Variants in HMBOX1 observed in about 807,000 individuals in gnomAD.
The protein encoded by HMBOX1 is homeobox containing 1.
Under a neutral mutation model 54.5 loss-of-function variants are expected in HMBOX1, and 14 were observed. That is an observed-to-expected ratio of 0.26 (90% CI 0.17 to 0.40). The LOEUF (loss-of-function observed/expected upper bound fraction) is 0.40. Among genes scored for constraint, HMBOX1 ranks in the 10% least tolerant of loss-of-function variants. The probability of loss-of-function intolerance (pLI) is 1.00; values close to 1 mark genes in which losing one functional copy is unlikely to be tolerated. For missense variants in HMBOX1, 332 were observed against 514.4 expected (o/e 0.65, Z 3.43); for synonymous variants, 160 against 181.0 (o/e 0.88, Z 0.93).
chr8:28,939,631 T>TC (rs1217765523), intron 1 of HMBOX1, among the ~76,000 whole-genome samples: 1 of 151,862 alleles, frequency 6.6e-6, no homozygotes, highest in Admixed American at 6.6e-5. Context: ...TGCCTCAGCC[T>TC]CCCGATTAGC....
At chr8:28,922,370 G>C (rs1397177107) in intron 1 of HMBOX1, among the ~76,000 whole-genome samples, 1 of 152,124 alleles carries the variant, frequency 6.6e-6, no homozygotes, top group East Asian at 1.9e-4. Context: ...TGGGACGGAG[G>C]GTGGTCCTGA....
At position 29,009,179 on chromosome 8, in the gene HMBOX1, C is replaced by G; in HGVS notation, c.694C>G (p.Pro232Ala). 2.5e-6 allele frequency: 4 copies of G among 1,604,674 alleles called. No homozygotes were observed. Among genetic ancestry groups the G allele is most frequent in the Non-Finnish European group, 3.4e-6 (4 of 1,171,690 alleles). Residue 232 changes from proline to alanine, a missense_variant, in exon 5 of 10, where the codon CCT becomes GCT. Physicochemically the swap from Pro to Ala is conservative, Grantham distance 27 (BLOSUM62 -1). Around this residue, in one of 4 missense-constraint regions of HMBOX1, gnomAD observed 117 missense variants for 220.0 expected, o/e 0.53. Coordinates refer to ENST00000287701, the MANE Select transcript of HMBOX1 (RefSeq NM_001135726.3). ...ATGGTATCAACTTGAGAAGACAAAC[C>G]CTGGTAAATAGCATTTCCTTTTATT... ...YRWYQLEKTN[P>A]GATLSMRPAP...
intron 1 of HMBOX1, chr8:28,924,561 A>G (rs2131828709): frequency 1.3e-5 from 2 of 148,256 alleles, no homozygotes; most frequent in South Asian, 4.2e-4. Flanking sequence ...AGAGTTTTAT[A>G]ATTTGAATTC....
At chr8:28,995,500 C>T (rs1489305360) in intron 4 of HMBOX1, among the ~76,000 whole-genome samples, 1 of 152,178 alleles carries the variant, frequency 6.6e-6, no homozygotes, top group Admixed American at 6.5e-5. Context: ...GACAGATTCT[C>T]TTGGAAATGT....
intron 6 of HMBOX1, among the ~76,000 whole-genome samples, chr8:29,025,536 C>A (rs879427015): frequency 1.1e-4 from 16 of 152,148 alleles, no homozygotes; most frequent in Non-Finnish European, 1.9e-4. Flanking sequence ...CAGTAGAATG[C>A]CTTTCTCATA....
At chr8:28,915,669 T>A (rs1279821284) in intron 1 of HMBOX1, 1 of 151,966 alleles carries the variant, frequency 6.6e-6, no homozygotes, top group Non-Finnish European at 1.5e-5. Flanking sequence ...GTTTCTAACT[T>A]GGGCTGGATC....
At chr8:28,934,762 A>G (rs948226399) in intron 1 of HMBOX1, among the ~76,000 whole-genome samples, 1 of 152,022 alleles carries the variant, frequency 6.6e-6, no homozygotes, top group Non-Finnish European at 1.5e-5. Flanking sequence ...CATCTCTACT[A>G]AAAATACAAG....
chr8:28,899,664 G>A (rs1271216482), intron 1 of HMBOX1, among the ~76,000 whole-genome samples: 2 of 152,326 alleles, frequency 1.3e-5, no homozygotes, highest in South Asian at 4.1e-4. Flanking sequence ...TGATTTCAGG[G>A]AAAGGAACTG....
In HMBOX1 at chr8:28,971,211, GC is replaced by G. The variant is rs1408637149; in HGVS notation, c.500+694del. On this transcript the variant is annotated intron_variant, in intron 3 of 9. Coordinates refer to ENST00000287701, the MANE Select transcript of HMBOX1 (RefSeq NM_001135726.3). Reference sequence around the variant, plus strand: ...AGGTTCAAGCGATTCTCTTGTCTCAGCCTCCCGAGTAGCTGGGGTTACAGGC... The same window carrying G: ...AGGTTCAAGCGATTCTCTTGTCTCAGCTCCCGAGTAGCTGGGGTTACAGGC... Among the ~76,000 whole-genome samples, 6 of 149,926 alleles carry G rather than the reference GC, an allele frequency of 4.0e-5. No individual in the cohort carries two copies. The East Asian group carries it at 1.2e-3, about 29-fold the overall frequency.
At chr8:29,023,531 T>G (rs1448673434) in intron 6 of HMBOX1, among the ~76,000 whole-genome samples, 1 of 151,562 alleles carries the variant, frequency 6.6e-6, no homozygotes, top group Non-Finnish European at 1.5e-5. Context: ...GCCTCCTGAG[T>G]AGCTGGGACT....
chr8:28,941,220 A>G (rs898938905), intron 1 of HMBOX1, among the ~76,000 whole-genome samples: 5 of 152,192 alleles, frequency 3.3e-5, no homozygotes, highest in Admixed American at 1.3e-4. Flanking sequence ...GCTGTGGGGC[A>G]TAAAGAGATT....
intron 1 of HMBOX1, among the ~76,000 whole-genome samples, chr8:28,957,562 A>G (rs1824697285): frequency 2.2e-5 from 1 of 46,286 alleles, no homozygotes. Flanking sequence ...AGTCTAAAAT[A>G]AAAGTTGAAA....
intron 2 of HMBOX1, among the ~76,000 whole-genome samples, chr8:28,968,274 A>ACC (rs1229323637): frequency 6.6e-6 from 1 of 152,142 alleles, no homozygotes; most frequent in African/African-American, 2.4e-5. Context: ...TATTACTAGG[A>ACC]CCCCTAGGTT....
At chr8:28,924,911 CTCT>C (rs1292437472) in intron 1 of HMBOX1, among the ~76,000 whole-genome samples, 1 of 148,740 alleles carries the variant, frequency 6.7e-6, no homozygotes, top group Non-Finnish European at 1.5e-5. Context: ...CGCGCCCAGC[CTCT>C]TTTTTTTTTT....
Position 29,001,374 on chromosome 8 carries a change from AC to A in HMBOX1, c.587-7695del, listed in dbSNP as rs1235833501. 3.3e-5 allele frequency among the ~76,000 whole-genome samples: 5 copies of A among 152,250 alleles called. No homozygotes were observed. In the South Asian group the frequency reaches 1.0e-3, roughly 32 times the overall value. The stretch of plus-strand genomic sequence containing the variant: ...AGATCAGCCTGGCCAATGTGGCAAA[AC>A]CCTGTCTCTACTAAAAATACAAAAA... On this transcript the variant is annotated intron_variant, in intron 4 of 9. Coordinates refer to ENST00000287701, the MANE Select transcript of HMBOX1 (RefSeq NM_001135726.3).
chr8:29,008,926 A>G (rs1280925748), intron 4 of HMBOX1, 146 bp from the exon 5 acceptor site: 1 of 572,266 alleles, frequency 1.7e-6, no homozygotes, highest in Non-Finnish European at 3.2e-6. Context: ...TTTACAAAGG[A>G]ATCCAATAAT....
chr8:28,928,918 G>C (rs1331731381), intron 1 of HMBOX1, among the ~76,000 whole-genome samples: 1 of 152,170 alleles, frequency 6.6e-6, no homozygotes, highest in South Asian at 2.1e-4. Context: ...CCAAAGGTAG[G>C]TTGCAGGGGG....
intron 6 of HMBOX1, among the ~76,000 whole-genome samples, chr8:29,020,964 C>T (rs1225056308): frequency 6.6e-6 from 1 of 151,986 alleles, no homozygotes; most frequent in Non-Finnish European, 1.5e-5. Flanking sequence ...CACTTGAGGC[C>T]AAGAGTTTGA....
At chr8:28,953,858 A>C (rs1336854481) in intron 1 of HMBOX1, among the ~76,000 whole-genome samples, 1 of 152,180 alleles carries the variant, frequency 6.6e-6, no homozygotes, top group Non-Finnish European at 1.5e-5. Context: ...AAATTTTCAT[A>C]ATAATAACTG....
Sources: gnomAD v4.1 joint callset for allele counts (sites outside exome capture counted in the v4.1 genomes callset) on GRCh38, gnomAD v4.1.1 for gene constraint, gnomAD v4.1.1 regional missense constraint, MANE v1.5 for transcripts, NCBI Gene and HGNC (gene_info 2026-07-23, HGNC 2026-07-21) for gene names.